TRIO: variants seen among roughly 807,000 people sequenced by gnomAD.
TRIO encodes the protein trio Rho guanine nucleotide exchange factor.
A neutral mutation model predicts 351.9 loss-of-function variants in TRIO; 58 were observed. The observed-to-expected ratio is 0.16, with a 90% CI of 0.13 to 0.21. TRIO has a LOEUF of 0.21. Ranked by LOEUF, TRIO falls within the 10% of genes least tolerant of loss-of-function variation. The pLI is 1.00. For missense variants in TRIO, 3,201 were observed against 4,027.8 expected (o/e 0.79, Z 5.56); for synonymous variants, 1,758 against 1,595.7 (o/e 1.10, Z -2.42).
rs920993463 is a variant in TRIO at position 14,487,826 on chromosome 5, G to A, written c.7198G>A (p.Glu2400Lys). The A allele has an allele frequency of 1.4e-5, 21 of 1,491,638 alleles. No individual in the cohort carries two copies. The highest frequency in any genetic ancestry group is 1.4e-5 in the Non-Finnish European group (16 of 1,120,198). 92.4% of individuals were successfully genotyped at this position (1,491,638 alleles called of 1,614,324 possible). The change falls in exon 48 of 57, where the codon GAG (glutamate) becomes AAG (lysine). Residue 2400 changes from glutamate (E) to lysine (K), a missense_variant. Glu to Lys is a moderately conservative substitution (Grantham distance 56). Transcript: ENST00000344204. ...PSRRPPGADAEGSEREAEPIP... is the reference protein window; with the variant it reads ...PSRRPPGADAKGSEREAEPIP... ...CAGGCGGCCCCCCGGCGCGGACGCC[G>A]AGGGGTCCGAGCGAGAAGCGGAGCC...
At chr5:14,205,099 A>T (rs1407219905) in intron 1 of TRIO, among the ~76,000 whole-genome samples, 1 of 152,232 alleles carries the variant, frequency 6.6e-6, no homozygotes, top group Non-Finnish European at 1.5e-5. Context: ...CCACGGATTC[A>T]GGAGGGCACA....
intron 1 of TRIO, among the ~76,000 whole-genome samples, chr5:14,230,543 T>A (rs1257358316): frequency 1.3e-5 from 2 of 152,194 alleles, no homozygotes; most frequent in Non-Finnish European, 2.9e-5. Context: ...GCTCTCATAG[T>A]GCAGAGGAAC....
chr5:14,233,621 T>G (rs1178850005), intron 1 of TRIO, among the ~76,000 whole-genome samples: 2 of 152,154 alleles, frequency 1.3e-5, no homozygotes, highest in Non-Finnish European at 2.9e-5. Flanking sequence ...TATTTCACAG[T>G]GGCACACTGA....
At chr5:14,211,175 T>G (rs764560692) in intron 1 of TRIO, among the ~76,000 whole-genome samples, 2 of 152,264 alleles carry the variant, frequency 1.3e-5, no homozygotes, top group African/African-American at 4.8e-5. Flanking sequence ...CAACGATTCA[T>G]ATATTTAACA....
rs182170855 is a variant in TRIO at position 14,168,385 on chromosome 5, A to G, written c.157+24503A>G. The stretch of plus-strand genomic sequence containing the variant: ...GAGGTCCCACGTAGGTGAACTAAAT[A>G]GGCTCTCTACAAGTACATTACTCAT... On this transcript the variant is annotated intron_variant, in intron 1 of 56. Transcript: ENST00000344204. Among the ~76,000 whole-genome samples, 3 of 152,400 alleles carry G rather than the reference A, an allele frequency of 2.0e-5. No individual in the cohort carries two copies. The East Asian group carries it at 5.8e-4, about 29-fold the overall frequency.
At chr5:14,357,678 G>T (rs534147643) in intron 11 of TRIO, among the ~76,000 whole-genome samples, 1 of 152,128 alleles carries the variant, frequency 6.6e-6, no homozygotes, top group South Asian at 2.1e-4. Flanking sequence ...GGCCAGGCTC[G>T]GTGGTGAATT....
intron 48 of TRIO, chr5:14,489,143 G>C (rs982133732): frequency 1.9e-5 from 13 of 686,992 alleles, no homozygotes; most frequent in Non-Finnish European, 3.2e-5. Flanking sequence ...TTCTCTAAAA[G>C]GGTCTGTGTC....
chr5:14,458,057 T>G (rs1293416982), intron 34 of TRIO, among the ~76,000 whole-genome samples: 2 of 151,188 alleles, frequency 1.3e-5, no homozygotes, highest in Admixed American at 6.6e-5. Context: ...TTTTTTTTTT[T>G]CCTCCATCAG....
intron 21 of TRIO, 143 bp from the exon 22 acceptor site, chr5:14,387,295 G>C: frequency 1.4e-6 from 1 of 712,462 alleles, no homozygotes. Context: ...GGAGTGGGTG[G>C]ACCTGGGGCT....
At chr5:14,384,362 C>G (rs1746364947) in intron 21 of TRIO, among the ~76,000 whole-genome samples, 1 of 152,196 alleles carries the variant, frequency 6.6e-6, no homozygotes, top group South Asian at 2.1e-4. Flanking sequence ...GCAAAGCTCT[C>G]TTGAGCTTGT....
At chr5:14,426,748 G>T (rs1428834554) in intron 34 of TRIO, among the ~76,000 whole-genome samples, 1 of 152,182 alleles carries the variant, frequency 6.6e-6, no homozygotes, top group African/African-American at 2.4e-5. Flanking sequence ...GTTGCGGGGG[G>T]AGCTTTAAAC....
At chr5:14,451,181 A>G (rs1752825405) in intron 34 of TRIO, among the ~76,000 whole-genome samples, 1 of 152,232 alleles carries the variant, frequency 6.6e-6, no homozygotes, top group African/African-American at 2.4e-5. Flanking sequence ...TTCAATATGC[A>G]TTGCCCAGGG....
chr5:14,392,964 A>G (rs1747232025), intron 27 of TRIO, among the ~76,000 whole-genome samples: 1 of 151,942 alleles, frequency 6.6e-6, no homozygotes, highest in African/African-American at 2.4e-5. Context: ...GGAGAATGGC[A>G]TAAACCTGGG....
intron 34 of TRIO, among the ~76,000 whole-genome samples, chr5:14,448,732 C>G (rs1752624707): frequency 1.3e-5 from 2 of 152,122 alleles, no homozygotes; most frequent in Admixed American, 6.6e-5. Context: ...GTGTGTCTTT[C>G]TGGTTTCATT....
chr5:14,430,684 GTTTTAT>G (rs1411038629), intron 34 of TRIO, among the ~76,000 whole-genome samples: 1 of 94,294 alleles, frequency 1.1e-5, no homozygotes, highest in African/African-American at 2.8e-5. Flanking sequence ...AGTGAATTTC[GTTTTAT>G]TTTATTTTAT....
intron 44 of TRIO, 69 bp downstream of exon 44, chr5:14,481,353 C>G (rs888458530): frequency 1.1e-4 from 174 of 1,592,890 alleles, no homozygotes; most frequent in Non-Finnish European, 1.4e-4. Flanking sequence ...CAAGTGTCTC[C>G]TAACAGTGGT....
At chr5:14,158,270 T>C (rs1236891839) in intron 1 of TRIO, among the ~76,000 whole-genome samples, 5 of 151,890 alleles carry the variant, frequency 3.3e-5, no homozygotes, top group South Asian at 2.1e-4. Flanking sequence ...ACTAAAAATA[T>C]GAAAATTAGC....
At chr5:14,378,342 C>G (rs1183080938) in intron 20 of TRIO, among the ~76,000 whole-genome samples, 1 of 152,206 alleles carries the variant, frequency 6.6e-6, no homozygotes, top group African/African-American at 2.4e-5. Context: ...GTGTGCCTTC[C>G]CCTACTGTCT....
At chr5:14,335,423 C>T (rs958193799) in intron 10 of TRIO, among the ~76,000 whole-genome samples, 1 of 152,102 alleles carries the variant, frequency 6.6e-6, no homozygotes, top group Non-Finnish European at 1.5e-5. Context: ...GCCTGAGCTC[C>T]GTTCCTTTCC....
Sources: gnomAD v4.1 joint callset for allele counts (sites outside exome capture counted in the v4.1 genomes callset) on GRCh38, gnomAD v4.1.1 for gene constraint, MANE v1.5 for transcripts, NCBI Gene and HGNC (gene_info 2026-07-23, HGNC 2026-07-21) for gene names.